Variants in DLGAP1 observed in about 807,000 individuals in gnomAD.
DLGAP1 encodes the protein disks large-associated protein 1.
A neutral mutation model predicts 90.8 loss-of-function variants in DLGAP1; 11 were observed. That is an observed-to-expected ratio of 0.12 (90% CI 0.08 to 0.20). DLGAP1 has a LOEUF of 0.20. Among genes scored for constraint, DLGAP1 ranks in the 10% least tolerant of loss-of-function variants. DLGAP1 has a pLI of 1.00. For missense variants in DLGAP1, 1,050 were observed against 1,333.8 expected, an observed-to-expected ratio of 0.79 and a Z score of 3.31; for synonymous variants, 558 against 540.7, an observed-to-expected ratio of 1.03 and a Z score of -0.44.
At chr18:4,270,326 C>A (rs574291334) in intron 1 of DLGAP1, among the ~76,000 whole-genome samples, 46 of 152,266 alleles carry the variant, frequency 3.0e-4, no homozygotes, top group Admixed American at 4.6e-4. Flanking sequence ...CCTCTGGGGA[C>A]AACCTACTCT....
intron 1 of DLGAP1, among the ~76,000 whole-genome samples, chr18:4,197,100 G>A (rs1466697704): frequency 6.6e-6 from 1 of 150,506 alleles, no homozygotes; most frequent in Non-Finnish European, 1.5e-5. Flanking sequence ...TTGAACCTGG[G>A]AGGCAGAGGT....
intron 7 of DLGAP1, among the ~76,000 whole-genome samples, chr18:3,648,973 C>T (rs181562167): frequency 5.9e-5 from 9 of 152,184 alleles, no homozygotes; most frequent in Non-Finnish European, 8.8e-5. Context: ...TGCTCAAGGC[C>T]GCTTATTCAG....
At chr18:3,970,893 C>A (rs1568326652) in intron 3 of DLGAP1, among the ~76,000 whole-genome samples, 2 of 152,080 alleles carry the variant, frequency 1.3e-5, no homozygotes, top group East Asian at 3.9e-4. Flanking sequence ...CCCATAGGAG[C>A]CCTGCATCCT....
At chr18:4,100,222 G>A (rs2075758179) in intron 2 of DLGAP1, among the ~76,000 whole-genome samples, 1 of 152,158 alleles carries the variant, frequency 6.6e-6, no homozygotes, top group Non-Finnish European at 1.5e-5. Context: ...GTCAAAATTA[G>A]TCCTTGATCT....
At chr18:3,974,837 T>G (rs1160492724) in intron 3 of DLGAP1, among the ~76,000 whole-genome samples, 1 of 152,102 alleles carries the variant, frequency 6.6e-6, no homozygotes, top group Non-Finnish European at 1.5e-5. Flanking sequence ...TATTATTCAG[T>G]CTTACATAGG....
intron 3 of DLGAP1, among the ~76,000 whole-genome samples, chr18:3,963,601 T>G (rs1486262119): frequency 6.6e-6 from 1 of 151,588 alleles, no homozygotes; most frequent in African/African-American, 2.4e-5. Context: ...TTTTTTTTTT[T>G]TTAGTGCAAT....
intron 2 of DLGAP1, among the ~76,000 whole-genome samples, chr18:4,011,175 CA>C (rs35493947): frequency 0.27 from 25,697 of 96,046 alleles, 2,230 homozygotes; most frequent in East Asian, 0.34. Flanking sequence ...GATTCCGCCT[CA>C]AAAAAAAAAA....
chr18:4,011,043 A>G (rs2074409134), intron 2 of DLGAP1, among the ~76,000 whole-genome samples: 1 of 151,608 alleles, frequency 6.6e-6, no homozygotes, highest in Non-Finnish European at 1.5e-5. Flanking sequence ...GGTCGTGGTA[A>G]TGTGCCCCTG....
chr18:3,573,106 G>C (rs1301910919), intron 8 of DLGAP1, among the ~76,000 whole-genome samples: 1 of 152,092 alleles, frequency 6.6e-6, no homozygotes, highest in African/African-American at 2.4e-5. Flanking sequence ...AATTTGGTAA[G>C]AATTTTTACA....
intron 1 of DLGAP1, among the ~76,000 whole-genome samples, chr18:4,450,250 T>C (rs2083787764): frequency 6.6e-6 from 1 of 152,070 alleles, no homozygotes; most frequent in Non-Finnish European, 1.5e-5. Context: ...AGAAATAGAC[T>C]CCACACTGAT....
chr18:3,918,717 G>A (rs28625346), intron 3 of DLGAP1, among the ~76,000 whole-genome samples: 116 of 152,336 alleles, frequency 7.6e-4, no homozygotes, highest in African/African-American at 2.7e-3. Context: ...TGGGCAGGAA[G>A]AGAAAGTGGA....
At chr18:4,048,353 A>C (rs1409930550) in intron 2 of DLGAP1, among the ~76,000 whole-genome samples, 1 of 152,210 alleles carries the variant, frequency 6.6e-6, no homozygotes, top group Non-Finnish European at 1.5e-5. Context: ...AAAGCAATGA[A>C]ATTCAAATTT....
At chr18:4,103,395 T>C (rs2075810360) in intron 2 of DLGAP1, among the ~76,000 whole-genome samples, 1 of 152,192 alleles carries the variant, frequency 6.6e-6, no homozygotes, top group Non-Finnish European at 1.5e-5. Context: ...TATATTTATT[T>C]CCAGCTGTTT....
chr18:3,687,214 A>G (rs923082402), intron 7 of DLGAP1, among the ~76,000 whole-genome samples: 3 of 152,222 alleles, frequency 2.0e-5, no homozygotes, highest in African/African-American at 7.2e-5. Context: ...GTGTTCATCT[A>G]AGTCACCAAG....
At chr18:4,245,879 T>C (rs553394849) in intron 1 of DLGAP1, among the ~76,000 whole-genome samples, 13 of 152,248 alleles carry the variant, frequency 8.5e-5, no homozygotes, top group African/African-American at 2.9e-4. Flanking sequence ...CGACTCATCT[T>C]GGGGACAGGG....
chr18:4,230,846 C>T (rs549814812), intron 1 of DLGAP1, among the ~76,000 whole-genome samples: 117 of 151,628 alleles, frequency 7.7e-4, no homozygotes, highest in South Asian at 1.5e-3. Flanking sequence ...GTGATTATTA[C>T]TCATTGCATG....
At chr18:3,634,299 AATAC>A (rs1174021972) in intron 7 of DLGAP1, among the ~76,000 whole-genome samples, 2 of 152,172 alleles carry the variant, frequency 1.3e-5, no homozygotes, top group African/African-American at 4.8e-5. Context: ...TCTTTTTTAT[AATAC>A]ATAATGTTTT....
chr18:3,748,009 G>A (rs1047289883), intron 5 of DLGAP1, among the ~76,000 whole-genome samples: 3 of 152,298 alleles, frequency 2.0e-5, no homozygotes, highest in African/African-American at 7.2e-5. Context: ...CTGCTCAGAA[G>A]AAAGACAGTG....
chr18:3,837,762 G>A (rs983406293), intron 4 of DLGAP1, among the ~76,000 whole-genome samples: 1 of 140,884 alleles, frequency 7.1e-6, no homozygotes, highest in African/African-American at 2.7e-5. Context: ...TAAGGCACGA[G>A]AATTGCTTGA....
Sources: allele counts gnomAD v4.1 joint callset (sites outside exome capture counted in the v4.1 genomes callset), GRCh38; gene constraint gnomAD v4.1.1; transcripts MANE v1.5; gene names NCBI Gene and HGNC (gene_info 2026-07-23, HGNC 2026-07-21).